The following RGS3 variants were observed in gnomAD, a reference collection of about 807,000 sequenced individuals.
The protein encoded by RGS3 is regulator of G-protein signalling 3.
RGS3 carries 80 observed loss-of-function variants against 132.6 expected under a neutral mutation model. That is an observed-to-expected ratio of 0.60 (90% CI 0.50 to 0.73). The LOEUF is 0.73. RGS3 is among the 30% of genes least tolerant of loss of function. RGS3 has a pLI of 0.00. For missense variants in RGS3, 1,382 were observed against 1,530.8 expected, an observed-to-expected ratio of 0.90 and a Z score of 1.62; for synonymous variants, 598 against 620.6, an observed-to-expected ratio of 0.96 and a Z score of 0.54.
intron 4 of RGS3, among the ~76,000 whole-genome samples, chr9:113,482,015 C>T (rs1404537037): frequency 6.8e-6 from 1 of 147,818 alleles, no homozygotes; most frequent in African/African-American, 2.5e-5. Flanking sequence ...CATTGCACTC[C>T]AGCCTAGGCA....
chr9:113,529,847 A>G (rs946672579), intron 18 of RGS3, among the ~76,000 whole-genome samples: 6 of 152,250 alleles, frequency 3.9e-5, no homozygotes, highest in Non-Finnish European at 8.8e-5. Context: ...AGAAGCTTAG[A>G]TAGGCAGTGC....
intron 3 of RGS3, among the ~76,000 whole-genome samples, chr9:113,467,799 C>T (rs555686185): frequency 1.3e-5 from 2 of 152,278 alleles, no homozygotes; most frequent in African/African-American, 4.8e-5. Context: ...CATGCAGCCT[C>T]AACCTCCTGT....
At chr9:113,470,468 G>A (rs1829793890) in intron 3 of RGS3, among the ~76,000 whole-genome samples, 1 of 152,154 alleles carries the variant, frequency 6.6e-6, no homozygotes, top group South Asian at 2.1e-4. Flanking sequence ...TCTTTCTGGT[G>A]AGCTGAAATT....
intron 1 of RGS3, among the ~76,000 whole-genome samples, chr9:113,449,374 C>A (rs1227296452): frequency 6.6e-6 from 1 of 152,074 alleles, no homozygotes; most frequent in African/African-American, 2.4e-5. Context: ...AGAGGAAGAA[C>A]CAATTTAAGG....
At chr9:113,573,125 G>A (rs531510480) in intron 19 of RGS3, among the ~76,000 whole-genome samples, 20 of 152,310 alleles carry the variant, frequency 1.3e-4, no homozygotes, top group African/African-American at 4.8e-4. Flanking sequence ...TTTTACAGAT[G>A]AGGAAATCGA....
intron 19 of RGS3, 51 bp from the exon 18 acceptor site, chr9:113,583,399 A>C (rs1201115086): frequency 6.3e-7 from 1 of 1,592,486 alleles, no homozygotes; most frequent in East Asian, 2.3e-5. Flanking sequence ...GGTGTCTGGC[A>C]TCTTGGAGCC....
intron 1 of RGS3, among the ~76,000 whole-genome samples, chr9:113,446,680 T>G (rs966729688): frequency 2.0e-5 from 3 of 152,144 alleles, no homozygotes; most frequent in African/African-American, 7.2e-5. Flanking sequence ...CAACCTCAGG[T>G]GGCGTGTAGG....
intron 3 of RGS3, among the ~76,000 whole-genome samples, chr9:113,468,940 G>T (rs12335716): frequency 1.3e-5 from 2 of 152,118 alleles, no homozygotes; most frequent in Admixed American, 1.3e-4. Context: ...CTAAATGTAG[G>T]CTCGAGAGGA....
intron 19 of RGS3, among the ~76,000 whole-genome samples, chr9:113,562,334 G>A (rs1833826416): frequency 1.3e-5 from 2 of 152,104 alleles, no homozygotes; most frequent in Non-Finnish European, 2.9e-5. Flanking sequence ...AAAATCAGCT[G>A]GGTGTGGTGG....
At chr9:113,487,754 G>A (rs1830385661) in intron 7 of RGS3, among the ~76,000 whole-genome samples, 1 of 152,160 alleles carries the variant, frequency 6.6e-6, no homozygotes, top group South Asian at 2.1e-4. Context: ...GAAGAGGTTG[G>A]TATAAGCCAA....
rs1368498250 is a variant in RGS3 at position 113,537,433 on chromosome 9, G to A, written c.2037+515G>A. ...GGGACTGGCTGGCAGGAGCACCGGG[G>A]AAGATTAGAGACTCCCAGGGGAGGC... is the stretch of plus-strand genomic sequence containing the variant. On this transcript the variant is annotated intron_variant, in intron 19 of 24. Coordinates refer to ENST00000350696, the Ensembl canonical transcript of RGS3. This position sits in a 1 kb window ranked among gnomAD's most constrained non-coding sequence, Gnocchi z 4.3. 6.6e-6 allele frequency among the ~76,000 whole-genome samples: 1 copy of A among 152,164 alleles called. No individual in the cohort carries two copies. The highest frequency in any genetic ancestry group is 1.5e-5 in the Non-Finnish European group (1 of 68,012).
At chr9:113,521,890 G>A (rs1166220065) in intron 16 of RGS3, among the ~76,000 whole-genome samples, 1 of 152,206 alleles carries the variant, frequency 6.6e-6, no homozygotes, top group East Asian at 1.9e-4. Context: ...CTTCTGGCTG[G>A]TTCTTCTTCA....
intron 7 of RGS3, among the ~76,000 whole-genome samples, chr9:113,489,660 A>C (rs1030804454): frequency 1.3e-5 from 2 of 151,364 alleles, no homozygotes; most frequent in Non-Finnish European, 2.9e-5. Flanking sequence ...AGTAGCTGGG[A>C]CTACAGGTAC....
intron 7 of RGS3, among the ~76,000 whole-genome samples, chr9:113,487,100 C>CTTTTTTTTTT (rs60523804): frequency 1.7e-5 from 2 of 116,968 alleles, no homozygotes; most frequent in Non-Finnish European, 1.8e-5. Flanking sequence ...TCATTTAATT[C>CTTTTTTTTTT]TTTTTTTTTT....
intron 19 of RGS3, among the ~76,000 whole-genome samples, chr9:113,560,671 C>A (rs189745176): frequency 1.3e-5 from 2 of 152,310 alleles, no homozygotes; most frequent in Admixed American, 1.3e-4. Context: ...GTGGGGAGGG[C>A]CTTTTTGCAT....
chr9:113,486,013 G>A (rs1830321468), intron 7 of RGS3, among the ~76,000 whole-genome samples: 1 of 152,174 alleles, frequency 6.6e-6, no homozygotes, highest in Non-Finnish European at 1.5e-5. Context: ...GGCACTGCAT[G>A]GAGAGAAATT....
chr9:113,521,595 AAT>A (rs1831960205), intron 16 of RGS3, among the ~76,000 whole-genome samples: 1 of 152,214 alleles, frequency 6.6e-6, no homozygotes, highest in African/African-American at 2.4e-5. Flanking sequence ...TTTATTTTTT[AAT>A]AGTTGCATAA....
At chr9:113,577,110 A>G (rs988729350) in intron 19 of RGS3, among the ~76,000 whole-genome samples, 1 of 152,046 alleles carries the variant, frequency 6.6e-6, no homozygotes, top group African/African-American at 2.4e-5. Context: ...CAGACTCCCA[A>G]GTAGCTGGGA....
chr9:113,583,419 G>C, intron 19 of RGS3, 31 bp from the exon 18 acceptor site: 1 of 1,611,092 alleles, frequency 6.2e-7, no homozygotes, highest in Non-Finnish European at 8.5e-7. Flanking sequence ...CTCCTCTTCT[G>C]AACTGTTCTT....
Sources: allele counts gnomAD v4.1 joint callset (sites outside exome capture counted in the v4.1 genomes callset), GRCh38; gene constraint gnomAD v4.1.1; non-coding constraint Gnocchi (gnomAD v3.1); transcripts MANE v1.5; gene names NCBI Gene and HGNC (gene_info 2026-07-23, HGNC 2026-07-21).